The following VPS9D1 variants were observed in gnomAD, a reference collection of about 807,000 sequenced individuals.
VPS9D1 encodes the protein VPS9 domain containing 1, also known as VPS9 domain-containing protein 1.
VPS9D1 carries 78 observed loss-of-function variants against 75.8 expected under a neutral mutation model. That is an observed-to-expected ratio of 1.03 (90% CI 0.86 to 1.24). The LOEUF is 1.24. Ranked by LOEUF, VPS9D1 falls within the 50% of genes most tolerant of loss-of-function variation. The pLI is 0.00. For missense variants in VPS9D1, 1,057 were observed against 847.7 expected (o/e 1.25, Z -3.07); for synonymous variants, 481 against 385.6 (o/e 1.25, Z -2.90).
At position 89,716,457 on chromosome 16, in the gene VPS9D1, C is replaced by A. The variant is rs373998543; in HGVS notation, c.431+5G>T. 5 of 1,613,944 alleles carry A rather than the reference C, an allele frequency of 3.1e-6. No individual in the cohort carries two copies. The highest frequency in any genetic ancestry group is 4.2e-6 in the Non-Finnish European group (5 of 1,179,960). ...TCATCCCACCTCCCATCTTGTCCAT[C>A]TTACTTCTTACAGCTTTGTGACTCT... On this transcript the variant is annotated splice_donor_5th_base_variant and intron_variant, in intron 4 of 14. Coordinates refer to ENST00000389386, the MANE Select transcript of VPS9D1 (RefSeq NM_004913.3).
intron 2 of VPS9D1, chr16:89,718,243 C>G (rs1239042767): frequency 2.7e-6 from 1 of 370,278 alleles, no homozygotes; most frequent in African/African-American, 2.1e-5. Context: ...AGGACGCACC[C>G]CGAGGCCGTT....
At chr16:89,709,142 A>C in intron 12 of VPS9D1, 85 bp downstream of exon 12, 1 of 1,578,676 alleles carries the variant, frequency 6.3e-7, no homozygotes. Flanking sequence ...ACGTGACAAG[A>C]GAAGCTCAGT....
chr16:89,712,555 C>T (rs1255838320), intron 5 of VPS9D1, 33 bp from the exon 6 acceptor site: 1 of 1,609,610 alleles, frequency 6.2e-7, no homozygotes, highest in East Asian at 2.2e-5. Context: ...GGCCGACTCC[C>T]CTCTGCCCCG....
chr16:89,713,909 C>T (rs996259509), intron 4 of VPS9D1, among the ~76,000 whole-genome samples: 4 of 151,958 alleles, frequency 2.6e-5, no homozygotes, highest in Non-Finnish European at 5.9e-5. Context: ...GTGATAGAGA[C>T]TCTGTCTCAA....
At chr16:89,709,024 C>CGCCA in intron 12 of VPS9D1, 68 bp from the exon 13 acceptor site, 1 of 1,416,796 alleles carries the variant, frequency 7.1e-7, no homozygotes, top group Non-Finnish European at 9.5e-7. Context: ...CCTTATACCC[C>CGCCA]GCCCACCCAC....
chr16:89,718,879 G>C (rs1014323028), intron 2 of VPS9D1, 148 bp downstream of exon 2: 1 of 646,428 alleles, frequency 1.5e-6, no homozygotes, highest in Admixed American at 2.6e-5. Context: ...AGGCCCAGCT[G>C]ATTTTTTAGA....
intron 13 of VPS9D1, 39 bp from the exon 14 acceptor site, chr16:89,708,570 A>G (rs892472756): frequency 1.9e-6 from 3 of 1,586,064 alleles, no homozygotes; most frequent in Non-Finnish European, 2.6e-6. Flanking sequence ...TGGGGCCAGG[A>G]GCCTCTCACT....
intron 4 of VPS9D1, among the ~76,000 whole-genome samples, chr16:89,714,723 C>G (rs2061020885): frequency 6.6e-6 from 1 of 152,148 alleles, no homozygotes; most frequent in South Asian, 2.1e-4. Context: ...CTAATAATGC[C>G]TCTCTCCCAT....
intron 1 of VPS9D1, chr16:89,720,486 C>G (rs537729421): frequency 4.4e-5 from 49 of 1,115,530 alleles, no homozygotes; most frequent in Non-Finnish European, 5.1e-5. Flanking sequence ...GCGGACCCTC[C>G]TGCTACATCT....
At chr16:89,710,521 T>G (rs2060890554) in intron 10 of VPS9D1, 65 bp downstream of exon 10, 5 of 1,507,566 alleles carry the variant, frequency 3.3e-6, no homozygotes, top group Non-Finnish European at 2.7e-6. Context: ...AACAGAAGCT[T>G]GAAACGGACC....
At chr16:89,719,426 G>T in intron 1 of VPS9D1, 1 of 485,826 alleles carries the variant, frequency 2.1e-6, no homozygotes, top group Non-Finnish European at 4.1e-6. Flanking sequence ...CATTCAGTGG[G>T]CCTGGGGAAG....
rs141663035 is a variant in VPS9D1, at chr16:89,714,624, G to A, written c.431+1838C>T. On this transcript the variant is annotated intron_variant, in intron 4 of 14. Transcript: ENST00000389386. ...GGGGCAGGAGGAGTGGACCCTTCTCGTCTCTCCCACTTGGGAGTCACTGGG... is the reference window on the plus strand; with the variant it reads ...GGGGCAGGAGGAGTGGACCCTTCTCATCTCTCCCACTTGGGAGTCACTGGG... Among the ~76,000 whole-genome samples the A allele has an allele frequency of 9.2e-3, 1,407 of 152,296 alleles. 10 individuals carry two copies. The highest frequency in any genetic ancestry group is 0.047 in the South Asian group (227 of 4,828).
intron 3 of VPS9D1, 52 bp downstream of exon 3, chr16:89,716,678 G>C: frequency 6.2e-7 from 1 of 1,600,374 alleles, no homozygotes; most frequent in Non-Finnish European, 8.5e-7. Context: ...CCACAGAGGA[G>C]ATGCGGGCTT....
chr16:89,712,630 C>G lies in VPS9D1; in HGVS notation c.518G>C (p.Ser173Thr). The change falls in exon 5 of 15, where the codon AGC becomes ACC. Residue 173 changes from serine to threonine, a missense_variant. Physicochemically the swap from Ser to Thr is moderately conservative, Grantham distance 58 (BLOSUM62 1). Coordinates refer to ENST00000389386, the MANE Select transcript of VPS9D1 (RefSeq NM_004913.3). ...YEARMARLDP[S>T]QAMQKTSLTL... ...CAGGGATGTCTTCTGCATGGCCTGG[C>G]TGGGGTCTAGCCGCGCCATTCGGGC... 1.9e-6 allele frequency: 3 copies of G among 1,610,542 alleles called. No homozygotes were observed. The highest frequency in any genetic ancestry group is 1.7e-6 in the Non-Finnish European group (2 of 1,178,246).
rs199773979 is a variant in VPS9D1, at chr16:89,712,693, G to A, written c.455C>T (p.Ala152Val). ...CKKELTPLEE[A>V]SLQNQKLKAA... ...CTTCAGCTTCTGATTCTGCAGGGAG[G>A]CCTCCTCCAGTGGCGTCAGCTCTCT... is the stretch of plus-strand genomic sequence containing the variant. The change falls in exon 5 of 15, where the codon GCC (alanine) becomes GTC (valine). Residue 152 changes from alanine to valine, a missense_variant. Coordinates refer to ENST00000389386, the MANE Select transcript of VPS9D1 (RefSeq NM_004913.3). The A allele has an allele frequency of 5.0e-6, 8 of 1,609,506 alleles. No individual in the cohort carries two copies. The East Asian group carries it at 6.7e-5, about 13-fold the overall frequency.
rs760737772 is a variant in VPS9D1, at chr16:89,708,453, C to T, written c.1776G>A (p.Ala592=). ...SGLPQLVSEC[A]ALEEFIHEGY... ...CCTCGTGGATGAACTCCTCCAGGGC[C>T]GCGCACTCCGACACCAGCTGAGGGA... Residue 592 remains alanine (A), a synonymous_variant, in exon 14 of 15, where the codon GCG becomes GCA. Coordinates refer to ENST00000389386, the MANE Select transcript of VPS9D1 (RefSeq NM_004913.3). 1.1e-5 allele frequency: 18 copies of T among 1,612,594 alleles called. 1 individual carries two copies. The highest frequency in any genetic ancestry group is 3.3e-4 in the Middle Eastern group (2 of 6,084).
Position 89,711,623 on chromosome 16 carries a change from C to T in VPS9D1, c.748-211G>A, listed in dbSNP as rs547310586. On this transcript the variant is annotated intron_variant, in intron 8 of 14. Coordinates refer to ENST00000389386, the MANE Select transcript of VPS9D1 (RefSeq NM_004913.3). ...CCCTGGGCCTGCACCCTCGCTGGGA[C>T]CCTCCCTCCTCGCAGGGACCCTCCC... is the stretch of plus-strand genomic sequence containing the variant. 1.4e-4 allele frequency: 88 copies of T among 646,732 alleles called. No individual in the cohort carries two copies. The South Asian group carries it at 1.7e-3, about 12-fold the overall frequency. The allele number at this position is 646,732 out of a possible 1,614,324, so 40.1% of individuals were successfully genotyped here. A position where few individuals can be genotyped will look rare whatever the true frequency, so the allele number is the denominator to read the frequency against.
Position 89,716,803 on chromosome 16 carries a change from G to A in VPS9D1, c.195C>T (p.Pro65=), listed in dbSNP as rs1389700557. Residue 65 remains proline, a synonymous_variant, in exon 3 of 15, where the codon CCC becomes CCT. Transcript: ENST00000389386. ...ETTKEAGETV[P]PDTSKMLKLA... ...GCTTCAGCATCTTGGAGGTGTCGGG[G>A]GGCACAGTTTCCCCAGCTTCTGGGG... The A allele has an allele frequency of 6.3e-7, 1 of 1,592,768 alleles. No homozygotes were observed.
At chr16:89,709,722 G>A in intron 11 of VPS9D1, 55 bp downstream of exon 11, 1 of 1,610,990 alleles carries the variant, frequency 6.2e-7, no homozygotes, top group Non-Finnish European at 8.5e-7. Flanking sequence ...GCCTCCTGGG[G>A]GACTGGGCTG....
Sources: gnomAD v4.1 joint callset for allele counts (sites outside exome capture counted in the v4.1 genomes callset) on GRCh38, gnomAD v4.1.1 for gene constraint, MANE v1.5 for transcripts, NCBI Gene and HGNC (gene_info 2026-07-23, HGNC 2026-07-21) for gene names.